FAM168A: variants seen among roughly 807,000 people sequenced by gnomAD.
The protein encoded by FAM168A is family with sequence similarity 168 member A.
A neutral mutation model predicts 28.5 loss-of-function variants in FAM168A; 3 were observed. The observed-to-expected ratio is 0.11, with a 90% CI of 0.05 to 0.27. The LOEUF is 0.27. FAM168A is among the 10% of genes least tolerant of loss of function. The pLI is 1.00. For synonymous variants in FAM168A, 122 were observed against 124.2 expected, an observed-to-expected ratio of 0.98 and a Z score of 0.12; for missense variants, 222 against 311.5, an observed-to-expected ratio of 0.71 and a Z score of 2.16.
At chr11:73,432,819 G>A (rs915688374) in intron 2 of FAM168A, among the ~76,000 whole-genome samples, 7 of 152,114 alleles carry the variant, frequency 4.6e-5, no homozygotes, top group Non-Finnish European at 1.0e-4. Flanking sequence ...GGAGGCTGGG[G>A]CTGCAGTGAG....
chr11:73,448,243 T>C (rs111728082), intron 2 of FAM168A, among the ~76,000 whole-genome samples: 1,963 of 152,156 alleles, frequency 0.013, 50 homozygotes, highest in African/African-American at 0.044. Context: ...AGACGGGGTT[T>C]CACCATGTTG....
At chr11:73,418,975 A>AT (rs1157369680) in intron 4 of FAM168A, among the ~76,000 whole-genome samples, 4 of 151,588 alleles carry the variant, frequency 2.6e-5, no homozygotes, top group African/African-American at 7.3e-5. Flanking sequence ...TGCCCGGCTA[A>AT]TTTTTTTTGT....
intron 3 of FAM168A, among the ~76,000 whole-genome samples, chr11:73,421,054 C>T (rs2134497331): frequency 6.9e-6 from 1 of 144,250 alleles, no homozygotes; most frequent in South Asian, 2.1e-4. Context: ...AACATATTTT[C>T]CACTCAAATA....
intron 1 of FAM168A, among the ~76,000 whole-genome samples, chr11:73,483,821 G>A (rs1375794569): frequency 3.3e-5 from 5 of 152,204 alleles, no homozygotes; most frequent in Non-Finnish European, 7.3e-5. Context: ...ACTGATTTGG[G>A]AGATGATGGT....
chr11:73,559,893 T>C (rs1054064799), intron 1 of FAM168A, among the ~76,000 whole-genome samples: 3 of 152,220 alleles, frequency 2.0e-5, no homozygotes, highest in African/African-American at 7.2e-5. Context: ...TGCCAAGTTG[T>C]AATCAAGCAT....
intron 1 of FAM168A, among the ~76,000 whole-genome samples, chr11:73,535,020 G>A (rs548458526): frequency 1.3e-5 from 2 of 152,150 alleles, no homozygotes; most frequent in South Asian, 4.1e-4. Flanking sequence ...AAGGAGACTA[G>A]AGGATTCTTC....
At chr11:73,505,299 C>T (rs1042726660) in intron 1 of FAM168A, among the ~76,000 whole-genome samples, 1 of 151,058 alleles carries the variant, frequency 6.6e-6, no homozygotes, top group Non-Finnish European at 1.5e-5. Context: ...CAGATTCTGG[C>T]TCCACTGCTA....
At chr11:73,558,078 T>G (rs940718257) in intron 1 of FAM168A, among the ~76,000 whole-genome samples, 3 of 152,114 alleles carry the variant, frequency 2.0e-5, no homozygotes, top group Admixed American at 2.0e-4. Flanking sequence ...TTCATGACCT[T>G]GGATTTGGCA....
At chr11:73,498,879 C>T (rs1272454815) in intron 1 of FAM168A, among the ~76,000 whole-genome samples, 1 of 152,194 alleles carries the variant, frequency 6.6e-6, no homozygotes, top group Non-Finnish European at 1.5e-5. Flanking sequence ...TGGACCTGAG[C>T]CCCTAGCGGG....
chr11:73,484,869 C>CG lies in FAM168A; in HGVS notation c.-18-16378dup, dbSNP rs200387611. Among the ~76,000 whole-genome samples, 5 of 151,638 alleles carry CG rather than the reference C, an allele frequency of 3.3e-5. No homozygotes were observed. The East Asian group carries it at 9.7e-4, about 29-fold the overall frequency. The stretch of plus-strand genomic sequence containing the variant: ...GTCCCAAGCTGAAGAACCTGGAGTC[C>CG]GATGTTCAAGGACAGGAAGCATCCA... On this transcript the variant is annotated intron_variant, in intron 1 of 7. Transcript: ENST00000356467.
chr11:73,544,859 TAATATATA>T (rs1251330780), intron 1 of FAM168A, among the ~76,000 whole-genome samples: 1 of 96,606 alleles, frequency 1.0e-5, no homozygotes, highest in African/African-American at 4.9e-5. Flanking sequence ...ATATAATATA[TAATATATA>T]ATTATATATA....
intron 1 of FAM168A, among the ~76,000 whole-genome samples, chr11:73,528,442 T>C (rs935868230): frequency 3.3e-5 from 5 of 152,178 alleles, no homozygotes; most frequent in Non-Finnish European, 5.9e-5. Flanking sequence ...GTGAAAAATA[T>C]AGTAATTAAG....
chr11:73,589,407 A>G (rs1420755732), intron 1 of FAM168A, among the ~76,000 whole-genome samples: 1 of 151,762 alleles, frequency 6.6e-6, no homozygotes, highest in East Asian at 1.9e-4. Flanking sequence ...TGGGCGTCCA[A>G]CCTTTTGGTT....
intron 1 of FAM168A, among the ~76,000 whole-genome samples, chr11:73,488,281 C>A (rs75333658): frequency 0.025 from 3,835 of 152,040 alleles, 171 homozygotes; most frequent in African/African-American, 0.089. Flanking sequence ...CAGGCGCCTG[C>A]CACCGTACTT....
At chr11:73,530,576 T>C (rs1943504212) in intron 1 of FAM168A, among the ~76,000 whole-genome samples, 1 of 152,224 alleles carries the variant, frequency 6.6e-6, no homozygotes, top group Non-Finnish European at 1.5e-5. Flanking sequence ...AATCTCAGCC[T>C]TGTGGAGCTC....
chr11:73,518,249 T>A (rs1160304234), intron 1 of FAM168A, among the ~76,000 whole-genome samples: 1 of 152,132 alleles, frequency 6.6e-6, no homozygotes, highest in East Asian at 1.9e-4. Context: ...GAATAATCTC[T>A]TGCAACAGAT....
intron 1 of FAM168A, among the ~76,000 whole-genome samples, chr11:73,500,594 C>T (rs567993637): frequency 6.6e-6 from 1 of 152,192 alleles, no homozygotes; most frequent in East Asian, 1.9e-4. Context: ...AACTAAGCTT[C>T]ATAAGCTAAG....
At chr11:73,544,263 GA>G (rs992288429) in intron 1 of FAM168A, among the ~76,000 whole-genome samples, 1 of 152,050 alleles carries the variant, frequency 6.6e-6, no homozygotes, top group African/African-American at 2.4e-5. Context: ...TTGGCTAAAA[GA>G]AAAAAGACAA....
chr11:73,587,285 G>A (rs1369555634), intron 1 of FAM168A, among the ~76,000 whole-genome samples: 29 of 152,010 alleles, frequency 1.9e-4, no homozygotes, highest in Admixed American at 1.9e-3. Flanking sequence ...GAGGTCAGGA[G>A]TTCGAGACCA....
Sources: gnomAD v4.1 joint callset for allele counts (sites outside exome capture counted in the v4.1 genomes callset) on GRCh38, gnomAD v4.1.1 for gene constraint, MANE v1.5 for transcripts, NCBI Gene and HGNC (gene_info 2026-07-23, HGNC 2026-07-21) for gene names.